ANKFN1: variants seen among roughly 807,000 people sequenced by gnomAD.
ANKFN1 encodes ankyrin repeat and fibronectin type-III domain-containing protein 1.
Under a neutral mutation model 108.7 loss-of-function variants are expected in ANKFN1, and 74 were observed. The observed-to-expected ratio is 0.68, with a 90% confidence interval of 0.56 to 0.83. The LOEUF is 0.83. Among genes scored for constraint, ANKFN1 ranks in the 40% least tolerant of loss-of-function variants. The pLI is 0.00. For synonymous variants in ANKFN1, 547 were observed against 516.2 expected (o/e 1.06, Z -0.81); for missense variants, 1,505 against 1,382.3 (o/e 1.09, Z -1.41).
At chr17:56,507,267 T>C (rs1297164781) in intron 20 of ANKFN1, among the ~76,000 whole-genome samples, 1 of 152,222 alleles carries the variant, frequency 6.6e-6, no homozygotes, top group Non-Finnish European at 1.5e-5. Flanking sequence ...TTGGAAAAAG[T>C]ACTAAGGCTT....
intron 4 of ANKFN1, among the ~76,000 whole-genome samples, chr17:56,333,617 T>C (rs1450900468): frequency 6.6e-6 from 1 of 150,678 alleles, no homozygotes; most frequent in Non-Finnish European, 1.5e-5. Context: ...ATGTTCATGA[T>C]AGACATTGGT....
chr17:56,487,738 A>G (rs190361460), intron 18 of ANKFN1, among the ~76,000 whole-genome samples: 1 of 152,320 alleles, frequency 6.6e-6, no homozygotes, highest in Admixed American at 6.5e-5. Flanking sequence ...CTCCTATAAG[A>G]GGCAGGCTAT....
intron 6 of ANKFN1, among the ~76,000 whole-genome samples, chr17:56,364,041 T>C (rs1198337704): frequency 6.6e-6 from 1 of 152,126 alleles, no homozygotes; most frequent in African/African-American, 2.4e-5. Flanking sequence ...TTAATAACAG[T>C]GTATTGTACA....
At chr17:56,276,413 T>G (rs545934758) in intron 3 of ANKFN1, among the ~76,000 whole-genome samples, 1 of 152,192 alleles carries the variant, frequency 6.6e-6, no homozygotes, top group Non-Finnish European at 1.5e-5. Flanking sequence ...TCTAGGTCCT[T>G]GAGGAATCGC....
At chr17:56,348,381 G>A (rs996492663) in intron 4 of ANKFN1, among the ~76,000 whole-genome samples, 4 of 151,862 alleles carry the variant, frequency 2.6e-5, no homozygotes, top group African/African-American at 9.7e-5. Flanking sequence ...ACCTTAAAAG[G>A]ATCTAGGAAG....
intron 4 of ANKFN1, among the ~76,000 whole-genome samples, chr17:56,109,734 A>G (rs1034666203): frequency 2.6e-5 from 4 of 152,242 alleles, no homozygotes; most frequent in Non-Finnish European, 5.9e-5. Context: ...GTATTAATAC[A>G]AATTGGGAAG....
Position 56,121,679 on chromosome 17 carries a change from G to A in ANKFN1, c.288+75354G>A, listed in dbSNP as rs906753352. 3.9e-5 allele frequency among the ~76,000 whole-genome samples: 6 copies of A among 152,076 alleles called. No individual in the cohort carries two copies. The East Asian group carries it at 1.2e-3, about 29-fold the overall frequency. ...GGGAATATTCAGGGTTGGTAGGTTG[G>A]ACAGTTGTCTCCGCATAGTTATAGA... On this transcript the variant is annotated intron_variant, in intron 4 of 12. Coordinates refer to the ANKFN1 transcript ENST00000635860.
At chr17:56,446,563 A>G (rs142416104) in intron 10 of ANKFN1, among the ~76,000 whole-genome samples, 3 of 152,300 alleles carry the variant, frequency 2.0e-5, no homozygotes, top group African/African-American at 4.8e-5. Context: ...TGCCTCACCA[A>G]CATTTAACGA....
chr17:56,441,446 C>G (rs985559585), intron 9 of ANKFN1, among the ~76,000 whole-genome samples: 3 of 152,138 alleles, frequency 2.0e-5, no homozygotes, highest in Admixed American at 6.5e-5. Flanking sequence ...GGAATCCTGA[C>G]GTTTAGTCCT....
At position 56,337,485 on chromosome 17, in the gene ANKFN1, G is replaced by A. The variant is rs148101118; in HGVS notation, c.188+11130G>A. ...CAAATGGGATCTAATTAAACTAAAG[G>A]GCTTCTGCACGGCAAAAGAAACTAC... is the stretch of plus-strand genomic sequence containing the variant. On this transcript the variant is annotated intron_variant, in intron 4 of 20. Coordinates refer to ENST00000682825, the MANE Select transcript of ANKFN1 (RefSeq NM_001370326.1). Among the ~76,000 whole-genome samples, 1,509 of 151,950 alleles carry A rather than the reference G, an allele frequency of 9.9e-3. 21 individuals carry two copies. The highest frequency in any genetic ancestry group is 0.034 in the African/African-American group (1,398 of 41,450).
chr17:56,426,140 T>C (rs965205095), intron 8 of ANKFN1, among the ~76,000 whole-genome samples: 1 of 152,250 alleles, frequency 6.6e-6, no homozygotes, highest in African/African-American at 2.4e-5. Flanking sequence ...CATAATTCTC[T>C]TTCCTGTCTA....
chr17:56,057,968 C>A (rs1904909412), intron 4 of ANKFN1, among the ~76,000 whole-genome samples: 1 of 152,134 alleles, frequency 6.6e-6, no homozygotes, highest in African/African-American at 2.4e-5. Flanking sequence ...TGAAATAAAT[C>A]TGTTTTTCTG....
intron 4 of ANKFN1, among the ~76,000 whole-genome samples, chr17:56,132,842 G>A (rs1041430446): frequency 1.3e-5 from 2 of 152,036 alleles, no homozygotes; most frequent in Non-Finnish European, 2.9e-5. Flanking sequence ...GCATGAGTGG[G>A]AAGCTCTCCC....
At chr17:56,198,951 T>C (rs1567832243) in intron 1 of ANKFN1, among the ~76,000 whole-genome samples, 1 of 152,258 alleles carries the variant, frequency 6.6e-6, no homozygotes, top group Non-Finnish European at 1.5e-5. Flanking sequence ...CTCTTCTTGG[T>C]AACTTGTTCT....
chr17:56,103,136 G>A lies in ANKFN1; in HGVS notation c.288+56811G>A, dbSNP rs533337710. On this transcript the variant is annotated intron_variant, in intron 4 of 12. Coordinates refer to the ANKFN1 transcript ENST00000635860. ...ATGAGCAAAAATGCTGACTGCAGTC[G>A]CCTTTGAAAAGTCAATCAGCACTGA... Among the ~76,000 whole-genome samples, 10 of 152,254 alleles carry A rather than the reference G, an allele frequency of 6.6e-5. 1 individual carries two copies. The highest frequency in any genetic ancestry group is 2.1e-4 in the South Asian group (1 of 4,816).
intron 20 of ANKFN1, among the ~76,000 whole-genome samples, chr17:56,502,352 A>G (rs1417468936): frequency 6.6e-6 from 1 of 152,136 alleles, no homozygotes; most frequent in Non-Finnish European, 1.5e-5. Context: ...TGCTAAGAGG[A>G]TCTGGCCAAT....
chr17:56,450,603 G>A (rs1040672122), intron 11 of ANKFN1, among the ~76,000 whole-genome samples: 7 of 152,128 alleles, frequency 4.6e-5, no homozygotes, highest in Admixed American at 3.3e-4. Flanking sequence ...GTCAGTTCTC[G>A]GTTATTGAGG....
At chr17:56,407,011 G>A (rs2047942001) in intron 8 of ANKFN1, among the ~76,000 whole-genome samples, 1 of 151,718 alleles carries the variant, frequency 6.6e-6, no homozygotes, top group Non-Finnish European at 1.5e-5. Context: ...CATGGGGCCA[G>A]GTATAAATAG....
At chr17:56,341,935 T>C (rs527665171) in intron 4 of ANKFN1, among the ~76,000 whole-genome samples, 2 of 152,194 alleles carry the variant, frequency 1.3e-5, no homozygotes, top group Non-Finnish European at 2.9e-5. Flanking sequence ...CATCTGGCCC[T>C]GGGCTTTTTT....
Sources: allele counts gnomAD v4.1 joint callset (sites outside exome capture counted in the v4.1 genomes callset), GRCh38; gene constraint gnomAD v4.1.1; transcripts MANE v1.5; gene names NCBI Gene and HGNC (gene_info 2026-07-23, HGNC 2026-07-21).